The following SLC39A10 variants were observed in gnomAD, a reference collection of about 807,000 sequenced individuals.
SLC39A10 encodes the protein solute carrier family 39 member 10.
SLC39A10 carries 13 observed loss-of-function variants against 65.1 expected under a neutral mutation model. The ratio of observed to expected loss-of-function variants is 0.20; its 90% CI spans 0.13 to 0.32. The LOEUF (loss-of-function observed/expected upper bound fraction) is 0.32, where lower values mean the gene tolerates loss of function less well. Ranked by LOEUF, SLC39A10 falls within the 10% of genes least tolerant of loss-of-function variation. SLC39A10 has a pLI of 1.00. For synonymous variants in SLC39A10, 321 were observed against 342.2 expected (o/e 0.94, Z 0.68); for missense variants, 831 against 1,018.4 (o/e 0.82, Z 2.50).
chr2:195,688,676 T>C (rs1279151133), intron 3 of SLC39A10, among the ~76,000 whole-genome samples: 4 of 152,182 alleles, frequency 2.6e-5, no homozygotes, highest in Non-Finnish European at 4.4e-5. Flanking sequence ...ACAGAAAATA[T>C]CTGGAAATTT....
At chr2:195,660,553 G>T (rs1689351203) in intron 1 of SLC39A10, among the ~76,000 whole-genome samples, 1 of 152,136 alleles carries the variant, frequency 6.6e-6, no homozygotes. Flanking sequence ...TTTACTTACT[G>T]CTGTAAATCT....
At chr2:195,727,443 A>G (rs1291973109) in intron 8 of SLC39A10, among the ~76,000 whole-genome samples, 1 of 152,156 alleles carries the variant, frequency 6.6e-6, no homozygotes, top group African/African-American at 2.4e-5. Context: ...ATTTATGTGC[A>G]TCATTGTAGA....
At chr2:195,697,634 GA>G (rs1691017255) in intron 3 of SLC39A10, among the ~76,000 whole-genome samples, 1 of 151,860 alleles carries the variant, frequency 6.6e-6, no homozygotes, top group Admixed American at 6.6e-5. Context: ...TCATAGAGGG[GA>G]CAGCCTACAG....
At chr2:195,645,477 T>G (rs57015693) in intron 2 of SLC39A10, among the ~76,000 whole-genome samples, 3,296 of 152,310 alleles carry the variant, frequency 0.022, 116 homozygotes, top group African/African-American at 0.076. Flanking sequence ...TTGAGCATTA[T>G]AGACATTAGA....
intron 2 of SLC39A10, among the ~76,000 whole-genome samples, chr2:195,643,947 T>C (rs983049043): frequency 1.3e-5 from 2 of 152,228 alleles, no homozygotes; most frequent in African/African-American, 4.8e-5. Flanking sequence ...TAGTTAACAT[T>C]GTTAACACCA....
At chr2:195,624,133 TC>T (rs1325913888) in intron 2 of SLC39A10, among the ~76,000 whole-genome samples, 1 of 151,952 alleles carries the variant, frequency 6.6e-6, no homozygotes, top group Non-Finnish European at 1.5e-5. Context: ...TACCTGTAAT[TC>T]CGGCACTTTG....
Position 195,735,272 on chromosome 2 carries a change from A to G in SLC39A10, c.*231A>G, listed in dbSNP as rs1437711605. 5.7e-6 allele frequency: 2 copies of G among 353,544 alleles called. No homozygotes were observed. The highest frequency in any genetic ancestry group is 1.0e-5 in the Non-Finnish European group (2 of 198,688). 21.9% of individuals were successfully genotyped at this position (353,544 alleles called of 1,614,324 possible). The stretch of plus-strand genomic sequence containing the variant: ...TAAAGAGAGGAGAATATGGGACTCC[A>G]TGAACCAGTGTTGATATGTTTGATT... On this transcript the variant is annotated 3_prime_UTR_variant, in exon 10 of 10. Coordinates refer to ENST00000359634, the MANE Select transcript of SLC39A10 (RefSeq NM_020342.3).
chr2:195,678,788 T>A (rs1439688839), intron 1 of SLC39A10, among the ~76,000 whole-genome samples: 1 of 152,082 alleles, frequency 6.6e-6, no homozygotes, highest in Admixed American at 6.6e-5. Context: ...CATGACAGAT[T>A]TCAAAGACAT....
intron 8 of SLC39A10, among the ~76,000 whole-genome samples, chr2:195,722,354 A>G (rs1394076589): frequency 6.6e-6 from 1 of 152,194 alleles, no homozygotes; most frequent in Non-Finnish European, 1.5e-5. Context: ...TAAAGAAATG[A>G]CCCAGCTTCC....
At chr2:195,695,283 G>A (rs1690905327) in intron 3 of SLC39A10, among the ~76,000 whole-genome samples, 2 of 152,214 alleles carry the variant, frequency 1.3e-5, no homozygotes, top group African/African-American at 4.8e-5. Context: ...TGTGGCCGCT[G>A]TGGGGGATGG....
chr2:195,716,153 G>A (rs1691798740), intron 6 of SLC39A10, among the ~76,000 whole-genome samples: 1 of 152,142 alleles, frequency 6.6e-6, no homozygotes, highest in Admixed American at 6.5e-5. Flanking sequence ...GTACAATTCT[G>A]CTCTTTATCA....
intron 2 of SLC39A10, among the ~76,000 whole-genome samples, chr2:195,648,292 G>A (rs1203677393): frequency 2.6e-5 from 4 of 152,176 alleles, no homozygotes; most frequent in Middle Eastern, 3.4e-3. Flanking sequence ...TACTGAACTC[G>A]GCCCTTATCT....
At chr2:195,723,425 G>T (rs1692121619) in intron 8 of SLC39A10, among the ~76,000 whole-genome samples, 1 of 152,154 alleles carries the variant, frequency 6.6e-6, no homozygotes, top group South Asian at 2.1e-4. Context: ...GTAATGTAAT[G>T]TTGGGGACCA....
Position 195,680,106 on chromosome 2 carries a change from T to C in SLC39A10, c.64T>C (p.Cys22Arg), listed in dbSNP as rs1486732913. The C allele has an allele frequency of 1.9e-6, 3 of 1,611,140 alleles. No homozygotes were observed. The highest frequency in any genetic ancestry group is 2.5e-6 in the Non-Finnish European group (3 of 1,179,382). ...TTTGCTGACATTTATTTTTCATCATTGCAACCATTGCCATGAAGAACATGA... is the reference window on the plus strand; with the variant it reads ...TTTGCTGACATTTATTTTTCATCATCGCAACCATTGCCATGAAGAACATGA... ...ICLLTFIFHH[C>R]NHCHEEHDHG... The change falls in exon 2 of 10, where the codon TGC becomes CGC. Residue 22 changes from cysteine to arginine, a missense_variant. Transcript: ENST00000359634.
intron 1 of SLC39A10, among the ~76,000 whole-genome samples, chr2:195,661,834 T>A (rs535626671): frequency 2.0e-5 from 3 of 152,206 alleles, no homozygotes; most frequent in Non-Finnish European, 4.4e-5. Flanking sequence ...GCTCAGGTAG[T>A]GTTTATTTTC....
At chr2:195,649,070 G>C (rs939437202) in intron 2 of SLC39A10, among the ~76,000 whole-genome samples, 1 of 152,016 alleles carries the variant, frequency 6.6e-6, no homozygotes, top group East Asian at 1.9e-4. Flanking sequence ...CTAACCACCG[G>C]GCACTGCCAG....
At chr2:195,621,599 T>A (rs1688349833) in intron 2 of SLC39A10, among the ~76,000 whole-genome samples, 1 of 152,202 alleles carries the variant, frequency 6.6e-6, no homozygotes, top group Non-Finnish European at 1.5e-5. Context: ...TCATTCGACC[T>A]GATTCTCAGA....
chr2:195,615,080 G>T (rs902295278), intron 2 of SLC39A10, among the ~76,000 whole-genome samples: 6 of 152,138 alleles, frequency 3.9e-5, no homozygotes, highest in African/African-American at 1.4e-4. Context: ...AGGGAAAATA[G>T]AGGGGGTCTG....
intron 3 of SLC39A10, among the ~76,000 whole-genome samples, chr2:195,692,809 G>T (rs998477116): frequency 6.6e-6 from 1 of 152,022 alleles, no homozygotes; most frequent in African/African-American, 2.4e-5. Flanking sequence ...ACCAATTTGG[G>T]TGCCCTTGAT....
Sources: gnomAD v4.1 joint callset for allele counts (sites outside exome capture counted in the v4.1 genomes callset) on GRCh38, gnomAD v4.1.1 for gene constraint, MANE v1.5 for transcripts, NCBI Gene and HGNC (gene_info 2026-07-23, HGNC 2026-07-21) for gene names.